FRZB: variants seen among roughly 807,000 people sequenced by gnomAD.
FRZB encodes the protein frizzled related protein.
FRZB carries 34 observed loss-of-function variants against 32.5 expected under a neutral mutation model. That is an observed-to-expected ratio of 1.05 (90% confidence interval 0.80 to 1.39). The LOEUF (loss-of-function observed/expected upper bound fraction) is 1.39. Among genes scored for constraint, FRZB ranks in the 40% most tolerant of loss-of-function variants. The probability of loss-of-function intolerance (pLI) is 0.00; values close to 1 mark genes in which losing one functional copy is unlikely to be tolerated. For missense variants in FRZB, 423 were observed against 424.8 expected (o/e 1.00, Z 0.04); for synonymous variants, 170 against 159.2 (o/e 1.07, Z -0.51).
chr2:182,836,192 AT>A (rs1695523763), intron 5 of FRZB, among the ~76,000 whole-genome samples: 1 of 152,064 alleles, frequency 6.6e-6, no homozygotes, highest in South Asian at 2.1e-4. Flanking sequence ...AACCATTTGC[AT>A]GAAAAAAACA....
At chr2:182,865,018 T>A (rs1480671093) in intron 1 of FRZB, among the ~76,000 whole-genome samples, 1 of 152,164 alleles carries the variant, frequency 6.6e-6, no homozygotes, top group Non-Finnish European at 1.5e-5. Context: ...ATGAAGTAGG[T>A]TTAGTTGGGG....
At chr2:182,849,897 T>C (rs933004299) in intron 2 of FRZB, among the ~76,000 whole-genome samples, 1 of 152,204 alleles carries the variant, frequency 6.6e-6, no homozygotes, top group African/African-American at 2.4e-5. Context: ...CCTCATGACT[T>C]CTGAAGTGTT....
In FRZB at chr2:182,866,059, C is replaced by T. The variant is rs376108123; in HGVS notation, c.478+16G>A. 8.4e-5 allele frequency: 133 copies of T among 1,583,908 alleles called. No individual in the cohort carries two copies. The highest frequency in any genetic ancestry group is 1.1e-4 in the Non-Finnish European group (123 of 1,158,112). On this transcript the variant is annotated intron_variant, in intron 1 of 5. Coordinates refer to ENST00000295113, the MANE Select transcript of FRZB (RefSeq NM_001463.4). This position sits in a 1 kb window ranked among gnomAD's most constrained non-coding sequence, Gnocchi z 4.5. Reference sequence around the variant, plus strand: ...GGCTGTAGGGTAAGGGAAGGGTGGGCCGTGTCAAAACTCACCAGCTCCGTC... The same window carrying T: ...GGCTGTAGGGTAAGGGAAGGGTGGGTCGTGTCAAAACTCACCAGCTCCGTC...
At chr2:182,851,211 A>G (rs1366843227) in intron 2 of FRZB, among the ~76,000 whole-genome samples, 2 of 152,232 alleles carry the variant, frequency 1.3e-5, no homozygotes, top group Non-Finnish European at 1.5e-5. Context: ...TGATGTGCAG[A>G]AGCTTTTTGG....
At chr2:182,846,800 C>T (rs562518580) in intron 2 of FRZB, among the ~76,000 whole-genome samples, 40 of 152,152 alleles carry the variant, frequency 2.6e-4, no homozygotes, top group Middle Eastern at 3.2e-3. Context: ...ACTGCCTGTA[C>T]GAGGTATCTA....
intron 3 of FRZB, among the ~76,000 whole-genome samples, chr2:182,841,063 G>A (rs902674486): frequency 4.6e-5 from 7 of 151,902 alleles, no homozygotes; most frequent in African/African-American, 1.7e-4. Flanking sequence ...TTTTCCCTAG[G>A]CTTCTTCACA....
intron 2 of FRZB, among the ~76,000 whole-genome samples, chr2:182,851,820 G>A (rs1321238370): frequency 6.6e-6 from 1 of 152,164 alleles, no homozygotes; most frequent in African/African-American, 2.4e-5. Context: ...TTCAGCCTAT[G>A]TAGCTTGATG....
At position 182,836,835 on chromosome 2, in the gene FRZB, G is replaced by C. The variant is rs1048811929; in HGVS notation, c.861+1113C>G. 2.0e-5 allele frequency among the ~76,000 whole-genome samples: 3 copies of C among 152,022 alleles called. No individual in the cohort carries two copies. The South Asian group carries it at 6.2e-4, about 32-fold the overall frequency. ...ATGCCCGCAAGTCTGAACTTGAAAT[G>C]CATCTCCCTTTTGACAAATCTACTA... On this transcript the variant is annotated intron_variant, in intron 5 of 5. Transcript: ENST00000295113.
At chr2:182,837,851 G>T in intron 5 of FRZB, 97 bp downstream of exon 5, 1 of 856,944 alleles carries the variant, frequency 1.2e-6, no homozygotes, top group Non-Finnish European at 1.9e-6. Context: ...TTTCTCATAT[G>T]GTTGAAGGCA....
Position 182,837,950 on chromosome 2 carries a change from T to G in FRZB, c.859A>C (p.Lys287Gln). Residue 287 changes from lysine (K) to glutamine (Q), a missense_variant and splice_region_variant, in exon 5 of 6, where the codon AAG becomes CAG. By Grantham distance (53) the Lys-to-Gln change is moderately conservative. Transcript: ENST00000295113. ...KWKDRLGKKV[K>Q]RWDMKLRHLG... is the part of the protein sequence containing the mutation. Reference sequence around the variant, plus strand: ...TCAAACATAAAATACAGGCTTACCTTAACTTTTTTACCGAGTCGATCCTTC... The same window carrying G: ...TCAAACATAAAATACAGGCTTACCTGAACTTTTTTACCGAGTCGATCCTTC... The G allele has an allele frequency of 6.2e-7, 1 of 1,611,058 alleles. No homozygotes were observed. The highest frequency in any genetic ancestry group is 8.5e-7 in the Non-Finnish European group (1 of 1,177,870).
In FRZB at chr2:182,838,450, C is replaced by T. The variant is rs1365702628; in HGVS notation, c.756G>A (p.Glu252=). ...GCLCPPLNVN[E]EYIIMGYEDE... is the part of the protein sequence containing the mutation. ...CTTCATAGCCCATGATGATATATTC[C>T]TCATTAACATTAAGTGGAGGGCAGA... Residue 252 remains glutamate (E), a synonymous_variant, in exon 4 of 6, where the codon GAG becomes GAA. Transcript: ENST00000295113. The T allele has an allele frequency of 2.5e-6, 4 of 1,612,718 alleles. No individual in the cohort carries two copies. Among genetic ancestry groups the T allele is most frequent in the Middle Eastern group, 1.7e-4 (1 of 6,050 alleles).
At chr2:182,846,449 A>T (rs1484116429) in intron 2 of FRZB, among the ~76,000 whole-genome samples, 1 of 152,222 alleles carries the variant, frequency 6.6e-6, no homozygotes, top group East Asian at 1.9e-4. Context: ...TAGGAAAAAA[A>T]GCCTCAGATC....
At chr2:182,836,533 G>C (rs1231320841) in intron 5 of FRZB, among the ~76,000 whole-genome samples, 1 of 152,016 alleles carries the variant, frequency 6.6e-6, no homozygotes, top group Non-Finnish European at 1.5e-5. Flanking sequence ...AAATATTGCA[G>C]AAAGCAATGG....
intron 2 of FRZB, 34 bp downstream of exon 2, chr2:182,858,752 C>T: frequency 1.3e-6 from 2 of 1,553,364 alleles, no homozygotes; most frequent in Non-Finnish European, 1.8e-6. Flanking sequence ...AATCTGACCA[C>T]AAATGAAAAC....
At chr2:182,861,007 C>A (rs1253023584) in intron 1 of FRZB, among the ~76,000 whole-genome samples, 2 of 152,060 alleles carry the variant, frequency 1.3e-5, no homozygotes, top group African/African-American at 4.8e-5. Context: ...CATGCTGAGA[C>A]CGAGAGACTA....
rs13009 is a variant in FRZB, at chr2:182,834,637, C to T, written c.*212G>A. 0.09 allele frequency: 50,939 copies of T among 564,348 alleles called. 3,689 individuals are homozygous for T. The highest frequency in any genetic ancestry group is 0.29 in the African/African-American group (15,185 of 53,190). 35.0% of individuals were successfully genotyped at this position (564,348 alleles called of 1,614,324 possible). A position where few individuals can be genotyped will look rare whatever the true frequency, so the allele number is the denominator to read the frequency against. On this transcript the variant is annotated 3_prime_UTR_variant, in exon 6 of 6. Coordinates refer to ENST00000295113, the MANE Select transcript of FRZB (RefSeq NM_001463.4). ...AGTGAAATAGAAAACTCACAATATA[C>T]TTAAGAGTCTGCCCCCAAACCATTA...
intron 2 of FRZB, among the ~76,000 whole-genome samples, chr2:182,844,050 T>C (rs1195149773): frequency 1.3e-5 from 2 of 152,218 alleles, no homozygotes; most frequent in Non-Finnish European, 2.9e-5. Context: ...TTGTCAATAA[T>C]ACACTTTAAC....
intron 3 of FRZB, among the ~76,000 whole-genome samples, chr2:182,841,792 T>C (rs16823829): frequency 0.057 from 8,675 of 152,146 alleles, 802 homozygotes; most frequent in African/African-American, 0.2. Flanking sequence ...TGGTAATATA[T>C]CTCATGGGGC....
At chr2:182,850,256 A>C (rs1327950831) in intron 2 of FRZB, among the ~76,000 whole-genome samples, 1 of 152,206 alleles carries the variant, frequency 6.6e-6, no homozygotes, top group Non-Finnish European at 1.5e-5. Flanking sequence ...GTACATATTG[A>C]AATGTACAAG....
Sources: gnomAD v4.1 joint callset for allele counts (sites outside exome capture counted in the v4.1 genomes callset) on GRCh38, gnomAD v4.1.1 for gene constraint, Gnocchi (gnomAD v3.1) non-coding constraint, MANE v1.5 for transcripts, NCBI Gene and HGNC (gene_info 2026-07-23, HGNC 2026-07-21) for gene names.